ZNF716: variants seen among roughly 807,000 people sequenced by gnomAD.
ZNF716 encodes zinc finger protein 716.
A neutral mutation model predicts 13.4 loss-of-function variants in ZNF716; 9 were observed. The observed-to-expected ratio is 0.67, with a 90% CI of 0.41 to 1.18. The LOEUF (loss-of-function observed/expected upper bound fraction) is 1.18. ZNF716 is among the 50% of genes most tolerant of loss of function. The probability of loss-of-function intolerance (pLI) is 0.01; values close to 1 mark genes in which losing one functional copy is unlikely to be tolerated. For missense variants in ZNF716, 581 were observed against 576.6 expected (o/e 1.01, Z -0.08); for synonymous variants, 186 against 195.2 (o/e 0.95, Z 0.39).
At chr7:57,465,363 T>A (rs1280061674) in intron 3 of ZNF716, among the ~76,000 whole-genome samples, 3 of 152,176 alleles carry the variant, frequency 2.0e-5, no homozygotes, top group Non-Finnish European at 4.4e-5. Flanking sequence ...TTACATTTTT[T>A]TTTTTGACAC....
Position 57,469,316 on chromosome 7 carries a change from C to G in ZNF716, c.855C>G (p.Asn285Lys), listed in dbSNP as rs782704456. The change falls in exon 4 of 4, where the codon AAC becomes AAG. Residue 285 changes from asparagine (N) to lysine (K), a missense_variant. Transcript: ENST00000420713. ...TCTTTAGCCGCTCAACACTTACTAA[C>G]TACAAGAGAATTCATACTGGAGAGA... The part of the protein sequence containing the change: ...GKVFSRSTLT[N>K]YKRIHTGEKP... The G allele has an allele frequency of 3.8e-6, 6 of 1,585,484 alleles. No homozygotes were observed. The South Asian group carries it at 5.7e-5, about 15-fold the overall frequency.
chr7:57,463,299 T>A lies in ZNF716; in HGVS notation c.262+131T>A. On this transcript the variant is annotated intron_variant, in intron 3 of 3. Transcript: ENST00000420713. ...GTTTCTGAGAAGCCAGAGTCATTTT[T>A]TTCTATTATGCTTACATAGGGACAC... The A allele has an allele frequency of 2.4e-6, 3 of 1,261,640 alleles. No homozygotes were observed. The East Asian group carries it at 7.1e-5, about 30-fold the overall frequency. The allele number at this position is 1,261,640 out of a possible 1,614,324, so 78.2% of individuals were successfully genotyped here.
chr7:57,452,020 G>T (rs79984501), intron 1 of ZNF716, among the ~76,000 whole-genome samples: 5,442 of 152,118 alleles, frequency 0.036, 315 homozygotes, highest in East Asian at 0.24. Flanking sequence ...GGCCATCTTG[G>T]CCTCCCAAAG....
At chr7:57,465,284 G>T (rs1439869484) in intron 3 of ZNF716, among the ~76,000 whole-genome samples, 3 of 151,950 alleles carry the variant, frequency 2.0e-5, no homozygotes, top group Admixed American at 6.6e-5. Flanking sequence ...TTTTTGATTT[G>T]CCAGTTATAC....
chr7:57,452,543 C>G (rs1365074547), intron 1 of ZNF716, among the ~76,000 whole-genome samples: 1 of 151,972 alleles, frequency 6.6e-6, no homozygotes, highest in African/African-American at 2.4e-5. Context: ...GAGGCTGAGG[C>G]AGGAGAATTG....
At chr7:57,462,068 G>A (rs565273436) in intron 1 of ZNF716, among the ~76,000 whole-genome samples, 1 of 151,768 alleles carries the variant, frequency 6.6e-6, no homozygotes, top group East Asian at 2.0e-4. Context: ...GCTGAGGCAG[G>A]AAAATCACTT....
rs181085112 is a variant in ZNF716 at position 57,450,178 on chromosome 7, T to G, written c.-111T>G. The G allele has an allele frequency of 4.0e-4, 608 of 1,522,642 alleles. 2 individuals are homozygous for G. In the African/African-American group the frequency reaches 7.2e-3, roughly 18 times the overall value. The allele number at this position is 1,522,642 out of a possible 1,614,324, so 94.3% of individuals were successfully genotyped here. ...GACGCTTCCGTAAGGTTACGGGTTC[T>G]TTTTGCTTCTCTGCGCCCAGAGCTC... On this transcript the variant is annotated 5_prime_UTR_variant, in exon 1 of 4. Transcript: ENST00000420713.
chr7:57,463,346 T>C (rs1789743511), intron 3 of ZNF716, among the ~76,000 whole-genome samples, 178 bp downstream of exon 3: 1 of 152,216 alleles, frequency 6.6e-6, no homozygotes, highest in African/African-American at 2.4e-5. Context: ...TGCTTTTAAA[T>C]TCTCTAAGGA....
chr7:57,464,183 G>A (rs1171662614), intron 3 of ZNF716, among the ~76,000 whole-genome samples: 9 of 131,930 alleles, frequency 6.8e-5, no homozygotes, highest in East Asian at 2.6e-4. Flanking sequence ...GTGCAATGGT[G>A]CAATTTTGGC....
chr7:57,466,388 G>T (rs1433325802), intron 3 of ZNF716, among the ~76,000 whole-genome samples: 1 of 151,926 alleles, frequency 6.6e-6, no homozygotes, highest in Non-Finnish European at 1.5e-5. Context: ...TTAGATGTGG[G>T]GCCTAATGAG....
At position 57,469,280 on chromosome 7, in the gene ZNF716, A is replaced by G. The variant is rs1554324707; in HGVS notation, c.819A>G (p.Glu273=). Residue 273 remains glutamate (E), a synonymous_variant, in exon 4 of 4, where the codon GAA becomes GAG. Transcript: ENST00000420713. ...HTGEKPYTCE[E]RGKVFSRSTL... is the part of the protein sequence containing the mutation. The stretch of plus-strand genomic sequence containing the variant: ...GAGAGAAACCTTACACATGTGAAGA[A>G]CGTGGCAAAGTCTTTAGCCGCTCAA... 1.3e-6 allele frequency: 2 copies of G among 1,591,056 alleles called. No individual in the cohort carries two copies. Among genetic ancestry groups the G allele is most frequent in the Admixed American group, 3.4e-5 (2 of 58,196 alleles).
chr7:57,464,904 T>C (rs1554323828), intron 3 of ZNF716, among the ~76,000 whole-genome samples: 1 of 152,234 alleles, frequency 6.6e-6, no homozygotes, highest in Non-Finnish European at 1.5e-5. Context: ...AGTTCATTGC[T>C]GGCCTCCCTA....
At chr7:57,457,922 C>T (rs1273439004) in intron 1 of ZNF716, among the ~76,000 whole-genome samples, 11 of 152,122 alleles carry the variant, frequency 7.2e-5, no homozygotes, top group African/African-American at 1.2e-4. Context: ...ATTTTCTGCT[C>T]CTGCACCAGT....
chr7:57,456,659 C>T (rs1262388905), intron 1 of ZNF716, among the ~76,000 whole-genome samples: 10 of 151,670 alleles, frequency 6.6e-5, no homozygotes, highest in African/African-American at 1.7e-4. Context: ...TACTTGAACC[C>T]GAGAGGTGAA....
rs185976377 is a variant in ZNF716 at position 57,450,303 on chromosome 7, G to T, written c.15G>T (p.Pro5=). The change falls in exon 1 of 4, where the codon CCG becomes CCT. Residue 5 remains proline (P), a synonymous_variant. Transcript: ENST00000420713. ...TTCGCAGATTTATGGCTAAAAGACC[G>T]GGACCCCCTGGAAGCCGAGAAATGG... MAKR[P]GPPGSREMGL... 779 of 1,613,938 alleles carry T rather than the reference G, an allele frequency of 4.8e-4. 3 individuals carry two copies. The African/African-American group carries it at 7.9e-3, about 16-fold the overall frequency.
chr7:57,460,144 T>G (rs1583718525), intron 1 of ZNF716, among the ~76,000 whole-genome samples: 1 of 151,968 alleles, frequency 6.6e-6, no homozygotes, highest in Admixed American at 6.6e-5. Flanking sequence ...TCCGAGCACT[T>G]AGGGAGGCCA....
In ZNF716 at chr7:57,469,226, C is replaced by T. The variant is rs1554324689; in HGVS notation, c.765C>T (p.Ser255=). 2.5e-6 allele frequency: 4 copies of T among 1,612,140 alleles called. No individual in the cohort carries two copies. The highest frequency in any genetic ancestry group is 3.4e-6 in the Non-Finnish European group (4 of 1,179,190). The change falls in exon 4 of 4, where the codon TCC becomes TCT. Residue 255 remains serine, a synonymous_variant. Coordinates refer to ENST00000420713, the MANE Select transcript of ZNF716 (RefSeq NM_001159279.1). ...ECGKAFSWSA[S]LTKHKRIHTG... The stretch of plus-strand genomic sequence containing the variant: ...GCAAAGCTTTTAGCTGGTCTGCATC[C>T]CTTACTAAACATAAGAGAATTCATA...
In ZNF716 at chr7:57,473,423, G is replaced by C. The variant is rs1789983868; in HGVS notation, c.*3474G>C. 1 of 152,108 alleles carries C rather than the reference G, an allele frequency of 6.6e-6. No homozygotes were observed. The highest frequency in any genetic ancestry group is 1.5e-5 in the Non-Finnish European group (1 of 68,070). 9.4% of individuals were successfully genotyped at this position (152,108 alleles called of 1,614,324 possible). Reference sequence around the variant, plus strand: ...TGGTCCCAGTTACTCAGGAGGCTGAGGCAGGAGAATTGCTTGAACCTCGGA... The same window carrying C: ...TGGTCCCAGTTACTCAGGAGGCTGACGCAGGAGAATTGCTTGAACCTCGGA... On this transcript the variant is annotated 3_prime_UTR_variant, in exon 4 of 4. Coordinates refer to ENST00000420713, the MANE Select transcript of ZNF716 (RefSeq NM_001159279.1).
Position 57,472,802 on chromosome 7 carries a change from T to A in ZNF716, c.*2853T>A, listed in dbSNP as rs1345944586. 1 of 152,160 alleles carries A rather than the reference T, an allele frequency of 6.6e-6. No homozygotes were observed. Among genetic ancestry groups the A allele is most frequent in the African/African-American group, 2.4e-5 (1 of 41,438 alleles). The allele number at this position is 152,160 out of a possible 1,614,324, so 9.4% of individuals were successfully genotyped here. On this transcript the variant is annotated 3_prime_UTR_variant, in exon 4 of 4. Transcript: ENST00000420713. ...TTTACACAGCAAACAAGTTGAAGAA[T>A]TTTGTTCCCATAGGACAAATTTGTA...
Sources: gnomAD v4.1 joint callset for allele counts (sites outside exome capture counted in the v4.1 genomes callset) on GRCh38, gnomAD v4.1.1 for gene constraint, MANE v1.5 for transcripts, NCBI Gene and HGNC (gene_info 2026-07-23, HGNC 2026-07-21) for gene names.